The following PITPNC1 variants were observed in gnomAD, a reference collection of about 807,000 sequenced individuals.
PITPNC1 encodes cytoplasmic phosphatidylinositol transfer protein 1.
In PITPNC1, 18 loss-of-function variants were observed where a neutral mutation model predicts 44.7. The observed-to-expected ratio is 0.40, with a 90% CI of 0.28 to 0.60. The LOEUF (loss-of-function observed/expected upper bound fraction) is 0.60. Ranked by LOEUF, PITPNC1 falls within the 20% of genes least tolerant of loss-of-function variation. The probability of loss-of-function intolerance (pLI) is 0.39; values close to 1 mark genes in which losing one functional copy is unlikely to be tolerated. For synonymous variants in PITPNC1, 141 were observed against 149.6 expected (o/e 0.94, Z 0.42); for missense variants, 290 against 418.4 (o/e 0.69, Z 2.68).
At chr17:67,636,162 G>A (rs1484772421) in intron 6 of PITPNC1, among the ~76,000 whole-genome samples, 2 of 151,968 alleles carry the variant, frequency 1.3e-5, no homozygotes, top group African/African-American at 4.8e-5. Flanking sequence ...GCCGGCCATG[G>A]TGGTAGGTGC....
At chr17:67,552,633 C>G (rs1169736227) in intron 3 of PITPNC1, among the ~76,000 whole-genome samples, 2 of 151,986 alleles carry the variant, frequency 1.3e-5, no homozygotes, top group Non-Finnish European at 2.9e-5. Flanking sequence ...GTAATCCCAG[C>G]ACTTTGGGAG....
At chr17:67,454,386 G>T (rs1037579730) in intron 1 of PITPNC1, among the ~76,000 whole-genome samples, 11 of 152,074 alleles carry the variant, frequency 7.2e-5, no homozygotes, top group African/African-American at 2.7e-4. Flanking sequence ...TTGGTTTCCT[G>T]ATCTATAAAA....
chr17:67,447,152 G>C (rs2039109992), intron 1 of PITPNC1, among the ~76,000 whole-genome samples: 2 of 147,250 alleles, frequency 1.4e-5, no homozygotes, highest in Non-Finnish European at 3.0e-5. Context: ...TGTGTGTTTG[G>C]ACTTCCAAGC....
intron 1 of PITPNC1, among the ~76,000 whole-genome samples, chr17:67,516,429 G>A (rs2040258841): frequency 1.3e-5 from 2 of 152,182 alleles, no homozygotes; most frequent in Non-Finnish European, 2.9e-5. Flanking sequence ...CTTCCTCATT[G>A]TGTTGTTGTG....
intron 5 of PITPNC1, among the ~76,000 whole-genome samples, chr17:67,596,330 C>T (rs2041459165): frequency 6.6e-6 from 1 of 151,952 alleles, no homozygotes; most frequent in Non-Finnish European, 1.5e-5. Context: ...ACTAGTTGTA[C>T]ACGTGGTATG....
chr17:67,444,856 C>G (rs1178275204), intron 1 of PITPNC1, among the ~76,000 whole-genome samples: 1 of 151,976 alleles, frequency 6.6e-6, no homozygotes, highest in East Asian at 1.9e-4. Context: ...AAGATCGCAC[C>G]ACTGCACTCC....
intron 1 of PITPNC1, among the ~76,000 whole-genome samples, chr17:67,431,515 A>G (rs1220959288): frequency 6.6e-6 from 1 of 152,194 alleles, no homozygotes; most frequent in Non-Finnish European, 1.5e-5. Flanking sequence ...TGATAGTACA[A>G]TGAGTTTGCA....
intron 1 of PITPNC1, among the ~76,000 whole-genome samples, chr17:67,438,772 C>T (rs1376490980): frequency 1.3e-5 from 2 of 152,208 alleles, no homozygotes; most frequent in Non-Finnish European, 2.9e-5. Flanking sequence ...AGGTATAATA[C>T]TCTGCCCCAG....
chr17:67,588,956 T>G (rs2041355998), intron 5 of PITPNC1, among the ~76,000 whole-genome samples: 1 of 152,210 alleles, frequency 6.6e-6, no homozygotes, highest in Admixed American at 6.6e-5. Flanking sequence ...TAACCTTAGA[T>G]TATTATAACC....
At position 67,498,081 on chromosome 17, in the gene PITPNC1, G is replaced by T. The variant is rs2039979800; in HGVS notation, c.49-34721G>T. On this transcript the variant is annotated intron_variant, in intron 1 of 8. Transcript: ENST00000581322. ...TTGGAGTTTTCACCATGTTAGCCAG[G>T]CTGGTCTTGAACTCCTGAGCTCAAG... is the stretch of plus-strand genomic sequence containing the variant. 5.3e-5 allele frequency among the ~76,000 whole-genome samples: 8 copies of T among 151,986 alleles called. No homozygotes were observed. The South Asian group carries it at 1.7e-3, about 32-fold the overall frequency.
intron 8 of PITPNC1, among the ~76,000 whole-genome samples, chr17:67,684,293 A>G (rs1370951533): frequency 6.6e-6 from 1 of 151,756 alleles, no homozygotes; most frequent in African/African-American, 2.4e-5. Context: ...TTCTATTTTT[A>G]GTAGAGACAG....
intron 1 of PITPNC1, among the ~76,000 whole-genome samples, chr17:67,495,202 G>T (rs557530385): frequency 1.1e-3 from 165 of 151,332 alleles, no homozygotes; most frequent in African/African-American, 3.2e-3. Context: ...GGCTACAGGC[G>T]CTCGCCACCA....
chr17:67,494,171 C>CT (rs1237554530), intron 1 of PITPNC1, among the ~76,000 whole-genome samples: 1 of 64,760 alleles, frequency 1.5e-5, no homozygotes, highest in African/African-American at 6.0e-5. Flanking sequence ...CTCTTTCTTT[C>CT]TTTCTTTCTT....
chr17:67,628,985 T>C (rs2041930827), intron 5 of PITPNC1, among the ~76,000 whole-genome samples: 1 of 152,122 alleles, frequency 6.6e-6, no homozygotes, highest in Non-Finnish European at 1.5e-5. Flanking sequence ...GTCCAGTCCA[T>C]GATCTCAGAG....
intron 2 of PITPNC1, among the ~76,000 whole-genome samples, chr17:67,535,678 A>C (rs960026255): frequency 6.6e-6 from 1 of 151,922 alleles, no homozygotes; most frequent in Non-Finnish European, 1.5e-5. Context: ...ACCCTCCACC[A>C]CTTCCCATGA....
chr17:67,394,398 C>T (rs570261209), intron 1 of PITPNC1, among the ~76,000 whole-genome samples: 6 of 152,124 alleles, frequency 3.9e-5, no homozygotes, highest in Non-Finnish European at 8.8e-5. Flanking sequence ...CACCTTTTCT[C>T]CCTAGTAGGA....
At chr17:67,562,781 T>C (rs7217485) in intron 4 of PITPNC1, among the ~76,000 whole-genome samples, 100,320 of 152,012 alleles carry the variant, frequency 0.66, 33,732 homozygotes, top group Middle Eastern at 0.79. Flanking sequence ...TTTACCTTTT[T>C]GAAATTGATG....
At chr17:67,689,749 C>T (rs952808030) in intron 8 of PITPNC1, among the ~76,000 whole-genome samples, 2 of 152,192 alleles carry the variant, frequency 1.3e-5, no homozygotes, top group Non-Finnish European at 2.9e-5. Context: ...TTTCTGCCCC[C>T]TGCTGGCTAT....
At position 67,519,194 on chromosome 17, in the gene PITPNC1, T is replaced by G. The variant is rs1308210889; in HGVS notation, c.49-13608T>G. On this transcript the variant is annotated intron_variant, in intron 1 of 8. Transcript: ENST00000581322. ...CTGTTTTTTTTTTTTTTTTTTTTTT[T>G]GAGATGATGTCTTGCTCTGTTTCCC... Among the ~76,000 whole-genome samples, 20 of 79,594 alleles carry G rather than the reference T, an allele frequency of 2.5e-4. No individual in the cohort carries two copies. The East Asian group carries it at 8.5e-3, about 34-fold the overall frequency. 52.2% of individuals were successfully genotyped at this position (79,594 alleles called of 152,430 possible).
Sources: allele counts gnomAD v4.1 joint callset (sites outside exome capture counted in the v4.1 genomes callset), GRCh38; gene constraint gnomAD v4.1.1; transcripts MANE v1.5; gene names NCBI Gene and HGNC (gene_info 2026-07-23, HGNC 2026-07-21).